Variants in LRRC4C observed in about 807,000 individuals in gnomAD.
LRRC4C encodes leucine rich repeat containing 4C.
In LRRC4C, 5 loss-of-function variants were observed where a neutral mutation model predicts 33.6. That is an observed-to-expected ratio of 0.15 (90% CI 0.08 to 0.31). LRRC4C has a LOEUF of 0.31. LRRC4C is among the 10% of genes least tolerant of loss of function. The pLI is 1.00. For missense variants in LRRC4C, 560 were observed against 796.7 expected (o/e 0.70, Z 3.58); for synonymous variants, 329 against 302.0 (o/e 1.09, Z -0.93).
intron 6 of LRRC4C, among the ~76,000 whole-genome samples, chr11:40,139,815 T>G (rs928613843): frequency 6.6e-6 from 1 of 152,142 alleles, no homozygotes; most frequent in Non-Finnish European, 1.5e-5. Context: ...TCAGATTAGC[T>G]TTTGCCTTCC....
chr11:41,296,682 A>C (rs1218961704), intron 1 of LRRC4C, among the ~76,000 whole-genome samples: 1 of 152,158 alleles, frequency 6.6e-6, no homozygotes, highest in African/African-American at 2.4e-5. Context: ...TCACTTTGGG[A>C]ACCTAGCCAA....
chr11:40,515,187 T>G (rs1225727292), intron 3 of LRRC4C, among the ~76,000 whole-genome samples: 1 of 152,120 alleles, frequency 6.6e-6, no homozygotes, highest in Non-Finnish European at 1.5e-5. Context: ...TTAATTAACA[T>G]GTAAAAATAA....
intron 2 of LRRC4C, among the ~76,000 whole-genome samples, chr11:40,709,908 A>T (rs1343133699): frequency 6.6e-6 from 1 of 151,626 alleles, no homozygotes; most frequent in Non-Finnish European, 1.5e-5. Context: ...TTTTTCTCTA[A>T]ACTTCTTTTC....
At chr11:41,365,836 T>C (rs1013153448) in intron 1 of LRRC4C, among the ~76,000 whole-genome samples, 1 of 152,190 alleles carries the variant, frequency 6.6e-6, no homozygotes, top group Non-Finnish European at 1.5e-5. Flanking sequence ...AGTTGATAAA[T>C]CTTGGACTCA....
intron 4 of LRRC4C, among the ~76,000 whole-genome samples, chr11:40,284,477 T>C (rs930980889): frequency 2.0e-5 from 3 of 151,562 alleles, no homozygotes; most frequent in African/African-American, 7.3e-5. Flanking sequence ...GTCTGGATTT[T>C]ATTCTAAAAA....
intron 1 of LRRC4C, among the ~76,000 whole-genome samples, chr11:41,252,644 T>G (rs1948678281): frequency 6.6e-6 from 1 of 152,146 alleles, no homozygotes; most frequent in Admixed American, 6.5e-5. Context: ...AATGTCCTAT[T>G]TAATAAGTGC....
At chr11:40,518,339 G>A (rs1955657667) in intron 3 of LRRC4C, among the ~76,000 whole-genome samples, 1 of 152,066 alleles carries the variant, frequency 6.6e-6, no homozygotes, top group Admixed American at 6.5e-5. Context: ...CAGAATGGGA[G>A]AACATTTTTG....
intron 2 of LRRC4C, among the ~76,000 whole-genome samples, chr11:40,684,344 T>G (rs954062058): frequency 2.0e-5 from 3 of 151,966 alleles, no homozygotes; most frequent in Non-Finnish European, 4.4e-5. Flanking sequence ...TAAAAAAAAC[T>G]AAATGTACGC....
rs60114669 is a variant in LRRC4C at position 40,149,036 on chromosome 11, G to A, written c.-95-8183C>T. On this transcript the variant is annotated intron_variant, in intron 5 of 6. Coordinates refer to ENST00000528697, the MANE Select transcript of LRRC4C (RefSeq NM_001258419.2). ...GGCCTCTCTATTCTGTTCCATTAAT[G>A]TGTCTGTTTTTGTACCAGTACCATG... Among the ~76,000 whole-genome samples, 534 of 152,074 alleles carry A rather than the reference G, an allele frequency of 3.5e-3. 6 individuals carry two copies. Among genetic ancestry groups the A allele is most frequent in the African/African-American group, 0.012 (509 of 41,514 alleles).
chr11:40,195,842 G>A (rs1393597953), intron 5 of LRRC4C, among the ~76,000 whole-genome samples: 2 of 152,082 alleles, frequency 1.3e-5, no homozygotes, highest in Admixed American at 6.5e-5. Context: ...TGTCTGAGAG[G>A]CAAAGAGCAG....
At chr11:40,263,619 A>G (rs1281454815) in intron 4 of LRRC4C, among the ~76,000 whole-genome samples, 3 of 152,178 alleles carry the variant, frequency 2.0e-5, no homozygotes, top group Non-Finnish European at 2.9e-5. Context: ...TCTACTGAGT[A>G]GCTGAGACAA....
chr11:40,114,220 A>G lies in LRRC4C; in HGVS notation c.*150T>C, dbSNP rs936879567. ...ATAATTTTGTCTGCTTTAGATCACA[A>G]TAGAATTTTTAATAAATAAATTTCT... On this transcript the variant is annotated 3_prime_UTR_variant, in exon 7 of 7. Coordinates refer to ENST00000528697, the MANE Select transcript of LRRC4C (RefSeq NM_001258419.2). 1.5e-5 allele frequency: 14 copies of G among 929,068 alleles called. No individual in the cohort carries two copies. Among genetic ancestry groups the G allele is most frequent in the South Asian group, 2.0e-5 (1 of 49,962 alleles). The allele number at this position is 929,068 out of a possible 1,614,324, so 57.6% of individuals were successfully genotyped here.
intron 2 of LRRC4C, among the ~76,000 whole-genome samples, chr11:40,804,456 T>C (rs1350992683): frequency 6.6e-6 from 1 of 152,202 alleles, no homozygotes; most frequent in African/African-American, 2.4e-5. Context: ...CACCACCTAA[T>C]TGAAGTAGTT....
At chr11:40,891,275 A>G (rs777374090) in intron 2 of LRRC4C, among the ~76,000 whole-genome samples, 6 of 152,106 alleles carry the variant, frequency 3.9e-5, no homozygotes, top group Non-Finnish European at 8.8e-5. Flanking sequence ...AACAACAACA[A>G]CAACAACGAC....
chr11:40,765,375 C>T (rs1202575723), intron 2 of LRRC4C, among the ~76,000 whole-genome samples: 1 of 152,154 alleles, frequency 6.6e-6, no homozygotes, highest in African/African-American at 2.4e-5. Context: ...TGTAAGTTTC[C>T]CTAGGCCTCT....
At chr11:41,288,024 T>G (rs999136731) in intron 1 of LRRC4C, among the ~76,000 whole-genome samples, 3 of 152,204 alleles carry the variant, frequency 2.0e-5, no homozygotes, top group Non-Finnish European at 4.4e-5. Context: ...GCACATTAAA[T>G]GCTGGGCCAG....
At chr11:41,414,527 A>G (rs1019111912) in intron 1 of LRRC4C, among the ~76,000 whole-genome samples, 1 of 152,092 alleles carries the variant, frequency 6.6e-6, no homozygotes, top group Non-Finnish European at 1.5e-5. Flanking sequence ...GCTAAAAGGT[A>G]AAAATGGCTC....
chr11:40,575,195 G>A (rs888904875), intron 3 of LRRC4C, among the ~76,000 whole-genome samples: 3 of 152,088 alleles, frequency 2.0e-5, no homozygotes, highest in African/African-American at 7.3e-5. Context: ...ATGCATGTGA[G>A]TGAGTGAAAG....
chr11:41,438,441 G>A (rs1466466018), intron 1 of LRRC4C, among the ~76,000 whole-genome samples: 1 of 152,084 alleles, frequency 6.6e-6, no homozygotes, highest in Non-Finnish European at 1.5e-5. Flanking sequence ...ACACTGAGAT[G>A]GTGACCTTGT....
Sources: gnomAD v4.1 joint callset for allele counts (sites outside exome capture counted in the v4.1 genomes callset) on GRCh38, gnomAD v4.1.1 for gene constraint, MANE v1.5 for transcripts, NCBI Gene and HGNC (gene_info 2026-07-23, HGNC 2026-07-21) for gene names.